Variants in DPYS observed in about 807,000 individuals in gnomAD.
DPYS encodes dihydropyrimidinase.
A neutral mutation model predicts 50.3 loss-of-function variants in DPYS; 39 were observed. The ratio of observed to expected loss-of-function variants is 0.78; its 90% CI spans 0.60 to 1.01. The LOEUF is 1.01. Among genes scored for constraint, DPYS ranks in the 50% least tolerant of loss-of-function variants. The probability of loss-of-function intolerance (pLI) is 0.00; values close to 1 mark genes in which losing one functional copy is unlikely to be tolerated. For synonymous variants in DPYS, 245 were observed against 250.7 expected, an observed-to-expected ratio of 0.98 and a Z score of 0.22; for missense variants, 659 against 680.9, an observed-to-expected ratio of 0.97 and a Z score of 0.36.
intron 4 of DPYS, among the ~76,000 whole-genome samples, chr8:104,434,950 GAAAC>G (rs1813085192): frequency 6.6e-6 from 1 of 152,286 alleles, no homozygotes; most frequent in African/African-American, 2.4e-5. Flanking sequence ...TCATAAATGA[GAAAC>G]AACGCCAGAT....
chr8:104,382,078 G>A (rs1235724213), intron 8 of DPYS, among the ~76,000 whole-genome samples: 5 of 152,128 alleles, frequency 3.3e-5, no homozygotes, highest in Non-Finnish European at 7.4e-5. Flanking sequence ...ATGAAATGGG[G>A]GAAATAAACC....
intron 7 of DPYS, among the ~76,000 whole-genome samples, chr8:104,401,031 A>G (rs1462507180): frequency 6.6e-6 from 1 of 152,180 alleles, no homozygotes; most frequent in Admixed American, 6.5e-5. Context: ...TTCCTAGAGT[A>G]ATGTGGGTCT....
intron 6 of DPYS, among the ~76,000 whole-genome samples, chr8:104,427,432 C>A (rs1163554707): frequency 6.6e-6 from 1 of 151,502 alleles, no homozygotes; most frequent in Non-Finnish European, 1.5e-5. Context: ...CCACGTGCCA[C>A]CATGCCCGGC....
intron 9 of DPYS, among the ~76,000 whole-genome samples, chr8:104,380,132 A>G (rs1332952341): frequency 6.6e-6 from 1 of 152,208 alleles, no homozygotes; most frequent in African/African-American, 2.4e-5. Context: ...ACAACATTCA[A>G]TAATGAAAGA....
At chr8:104,394,131 C>T (rs1222884104) in intron 7 of DPYS, among the ~76,000 whole-genome samples, 3 of 152,184 alleles carry the variant, frequency 2.0e-5, no homozygotes, top group African/African-American at 7.2e-5. Context: ...GTTCTACAAT[C>T]CCTCTCAGGA....
At position 104,464,217 on chromosome 8, in the gene DPYS, T is replaced by A. The variant is rs150631696; in HGVS notation, c.264+2440A>T. On this transcript the variant is annotated intron_variant, in intron 1 of 9. Transcript: ENST00000351513. ...GCTGGTGGATAAATCCTTTGAGATG[T>A]TGACAACAGACTATACGCCATAAGG... Among the ~76,000 whole-genome samples, 310 of 152,346 alleles carry A rather than the reference T, an allele frequency of 2.0e-3. 1 individual carries two copies. The highest frequency in any genetic ancestry group is 7.1e-3 in the African/African-American group (295 of 41,584).
chr8:104,444,265 G>A lies in DPYS; in HGVS notation c.776C>T (p.Ala259Val), dbSNP rs776750463. Residue 259 changes from alanine to valine, a missense_variant, in exon 4 of 10, where the codon GCG becomes GTG. Coordinates refer to ENST00000351513, the MANE Select transcript of DPYS (RefSeq NM_001385.3). ...AGAATTACCATCTCTCCTTGCATCC[G>A]CTATCACCTTAGCTGCAGACTTGCT... ...VMSKSAAKVI[A>V]DARRDGKVVY... 2.4e-5 allele frequency: 39 copies of A among 1,614,032 alleles called. 1 individual carries two copies. In the South Asian group the frequency reaches 4.1e-4, roughly 17 times the overall value.
chr8:104,461,101 T>C (rs983695388), intron 1 of DPYS, among the ~76,000 whole-genome samples: 2 of 143,066 alleles, frequency 1.4e-5, no homozygotes, highest in African/African-American at 5.2e-5. Flanking sequence ...CTGGGCAACA[T>C]AGTGAGACCC....
rs768225827 is a variant in DPYS, at chr8:104,381,190, C to T, written c.*8G>A. 6.2e-7 allele frequency: 1 copy of T among 1,613,400 alleles called. No homozygotes were observed. The highest frequency in any genetic ancestry group is 1.7e-5 in the Admixed American group (1 of 60,022). On this transcript the variant is annotated 3_prime_UTR_variant, in exon 9 of 10. Transcript: ENST00000351513. Reference sequence around the variant, plus strand: ...CTTGCCTACAGTCCCTTACCGATGGCACACACTTCAGGGGTGGGCCTGTTT... The same window carrying T: ...CTTGCCTACAGTCCCTTACCGATGGTACACACTTCAGGGGTGGGCCTGTTT...
chr8:104,443,602 A>T (rs1813424368), intron 4 of DPYS, among the ~76,000 whole-genome samples: 1 of 152,058 alleles, frequency 6.6e-6, no homozygotes. Context: ...TTCAAAATTA[A>T]CGAAAGAGGG....
rs949489065 is a variant in DPYS at position 104,466,963 on chromosome 8, A to G, written c.-43T>C. 5.5e-5 allele frequency: 49 copies of G among 891,514 alleles called. No homozygotes were observed. Among genetic ancestry groups the G allele is most frequent in the Non-Finnish European group, 6.4e-5 (43 of 667,810 alleles). The allele number at this position is 891,514 out of a possible 1,614,324, so 55.2% of individuals were successfully genotyped here. On this transcript the variant is annotated 5_prime_UTR_variant, in exon 1 of 10. Transcript: ENST00000351513. ...GTCCTACTCGGCCCGGGCTGCGCGC[A>G]GGGGCTGGGTTGGGCGGGCCGGGCG...
At chr8:104,435,857 GT>G (rs1284155754) in intron 4 of DPYS, among the ~76,000 whole-genome samples, 3 of 152,104 alleles carry the variant, frequency 2.0e-5, no homozygotes, top group African/African-American at 7.2e-5. Context: ...GCTGACCGGG[GT>G]TTTGGTAGAT....
intron 1 of DPYS, among the ~76,000 whole-genome samples, chr8:104,451,628 G>A (rs1813746851): frequency 6.6e-6 from 1 of 152,118 alleles, no homozygotes; most frequent in Non-Finnish European, 1.5e-5. Flanking sequence ...CAAAAAGAAT[G>A]TCATATCTGA....
At chr8:104,425,390 A>G (rs750571362) in intron 6 of DPYS, among the ~76,000 whole-genome samples, 4 of 152,016 alleles carry the variant, frequency 2.6e-5, no homozygotes, top group Non-Finnish European at 5.9e-5. Flanking sequence ...CTGTTTTGCC[A>G]TCACTTTTAA....
intron 2 of DPYS, 84 bp downstream of exon 2, chr8:104,451,162 G>A (rs1156651497): frequency 1.9e-6 from 3 of 1,563,046 alleles, no homozygotes; most frequent in Admixed American, 3.3e-5. Flanking sequence ...TGTCTAGGAA[G>A]CAATCAATGT....
chr8:104,414,246 T>G (rs1812291649), intron 7 of DPYS, among the ~76,000 whole-genome samples: 1 of 152,126 alleles, frequency 6.6e-6, no homozygotes, highest in African/African-American at 2.4e-5. Context: ...AGAACTCCAT[T>G]TGGGGGCGCT....
chr8:104,413,402 G>A (rs1026669024), intron 7 of DPYS, among the ~76,000 whole-genome samples: 1 of 151,892 alleles, frequency 6.6e-6, no homozygotes, highest in African/African-American at 2.4e-5. Context: ...GAAATGCATG[G>A]AAATGATAAA....
At chr8:104,405,097 C>A (rs572005750) in intron 7 of DPYS, among the ~76,000 whole-genome samples, 8 of 152,312 alleles carry the variant, frequency 5.3e-5, no homozygotes, top group Non-Finnish European at 1.0e-4. Flanking sequence ...AAAAAAGTGA[C>A]CACTAAAAGT....
chr8:104,430,267 G>C (rs1024723377), intron 4 of DPYS, among the ~76,000 whole-genome samples: 4 of 151,590 alleles, frequency 2.6e-5, no homozygotes, highest in Non-Finnish European at 4.4e-5. Context: ...TTGAAAAAAA[G>C]AACTCCTCAA....
Sources: allele counts gnomAD v4.1 joint callset (sites outside exome capture counted in the v4.1 genomes callset), GRCh38; gene constraint gnomAD v4.1.1; transcripts MANE v1.5; gene names NCBI Gene and HGNC (gene_info 2026-07-23, HGNC 2026-07-21).